ABCB7: variants seen among roughly 807,000 people sequenced by gnomAD.
ABCB7 encodes iron-sulfur clusters transporter ABCB7, mitochondrial.
ABCB7 carries 7 observed loss-of-function variants against 54.4 expected under a neutral mutation model. That is an observed-to-expected ratio of 0.13 (90% CI 0.07 to 0.24). ABCB7 has a LOEUF of 0.24. Among genes scored for constraint, ABCB7 ranks in the 10% least tolerant of loss-of-function variants. The pLI is 1.00. For synonymous variants in ABCB7, 218 were observed against 207.1 expected, an observed-to-expected ratio of 1.05 and a Z score of -0.45; for missense variants, 356 against 570.4, an observed-to-expected ratio of 0.62 and a Z score of 3.83.
intron 6 of ABCB7, among the ~76,000 whole-genome samples, chrX:75,074,417 G>A (rs993425857): frequency 8.9e-6 from 1 of 111,776 alleles, no homozygotes; most frequent in African/African-American, 3.3e-5. Context: ...ATGGAAATTA[G>A]TTCAGCCACT....
chrX:75,114,625 T>C, intron 2 of ABCB7, 129 bp downstream of exon 2: 1 of 489,104 alleles, frequency 2.0e-6, no homozygotes, highest in South Asian at 2.9e-5. Context: ...ACATACCTTC[T>C]TATTCATCTT....
rs754055299 is a variant in ABCB7 at position 75,088,522 on chromosome X, C to T, written c.453+10420G>A. Among the ~76,000 whole-genome samples the T allele has an allele frequency of 2.7e-5, 3 of 111,791 alleles. No homozygotes were observed. The South Asian group carries it at 1.1e-3, about 41-fold the overall frequency. The stretch of plus-strand genomic sequence containing the variant: ...ACACTCTAACAGAAATGAAGAACGT[C>T]TTTGATAGGCTCATCAGTAGACAGG... On this transcript the variant is annotated intron_variant, in intron 4 of 15. Coordinates refer to ENST00000373394, the MANE Select transcript of ABCB7 (RefSeq NM_001271696.3).
intron 4 of ABCB7, among the ~76,000 whole-genome samples, chrX:75,086,017 T>C (rs969849357): frequency 6.4e-5 from 7 of 109,618 alleles, no homozygotes; most frequent in African/African-American, 2.3e-4. Flanking sequence ...CAGCTAATTT[T>C]TGTATTTTTA....
intron 3 of ABCB7, among the ~76,000 whole-genome samples, chrX:75,104,051 T>TTTTTG (rs2081665641): frequency 3.2e-5 from 1 of 31,290 alleles, no homozygotes; most frequent in Non-Finnish European, 7.6e-5. Flanking sequence ...GTTACAGTTT[T>TTTTTG]TTTTTTTTTT....
intron 1 of ABCB7, among the ~76,000 whole-genome samples, chrX:75,129,437 G>C (rs759050941): frequency 9.1e-6 from 1 of 109,729 alleles, no homozygotes; most frequent in South Asian, 4.0e-4. Flanking sequence ...CTCACACTGG[G>C]GCCCATTTGG....
intron 1 of ABCB7, among the ~76,000 whole-genome samples, chrX:75,144,920 G>A (rs1179149621): frequency 1.8e-5 from 2 of 110,620 alleles, no homozygotes; most frequent in Non-Finnish European, 3.8e-5. Context: ...CTTTATAAAT[G>A]CATTAAAGAC....
In ABCB7 at chrX:75,053,496, A is replaced by G; in HGVS notation, c.2133T>C (p.Arg711=). The part of the protein sequence containing the change: ...YSEMWHTQSS[R]VQNHDNPKWE... ...ATTTGGGGTTATCATGGTTCTGCAC[A>G]CGGCTGCTCTGTGTATGCCACATTT... The change falls in exon 16 of 16, where the codon CGT becomes CGC. Residue 711 remains arginine, a synonymous_variant. Transcript: ENST00000373394. The G allele has an allele frequency of 1.7e-6, 2 of 1,211,058 alleles. No homozygotes were observed. The highest frequency in any genetic ancestry group is 3.5e-5 in the African/African-American group (2 of 57,802).
At chrX:75,091,979 G>A (rs2081548113) in intron 4 of ABCB7, among the ~76,000 whole-genome samples, 1 of 111,428 alleles carries the variant, frequency 9.0e-6, no homozygotes, top group African/African-American at 3.2e-5. Flanking sequence ...ACTCAATATT[G>A]TTGAGATGTC....
intron 1 of ABCB7, among the ~76,000 whole-genome samples, chrX:75,125,738 C>T (rs967175624): frequency 9.0e-6 from 1 of 110,897 alleles, no homozygotes; most frequent in African/African-American, 3.3e-5. Context: ...ATACAGAATC[C>T]AACTGTGTAT....
chrX:75,125,290 T>C (rs762316390), intron 1 of ABCB7, among the ~76,000 whole-genome samples: 16 of 111,661 alleles, frequency 1.4e-4, no homozygotes, highest in Non-Finnish European at 2.3e-4. Flanking sequence ...ACAGAAAGTG[T>C]AGGCTAAGAG....
chrX:75,058,150 CAT>C (rs1243000687), intron 15 of ABCB7, among the ~76,000 whole-genome samples: 3 of 111,447 alleles, frequency 2.7e-5, no homozygotes, highest in African/African-American at 9.8e-5. Flanking sequence ...CGCCACTTTT[CAT>C]CATATCTGGT....
intron 6 of ABCB7, among the ~76,000 whole-genome samples, chrX:75,074,506 T>C (rs1049984326): frequency 8.9e-6 from 1 of 111,882 alleles, no homozygotes; most frequent in African/African-American, 3.3e-5. Flanking sequence ...TGGGTGTATA[T>C]ATATTCAAAA....
At chrX:75,077,322 A>G (rs1405865332) in intron 4 of ABCB7, among the ~76,000 whole-genome samples, 1 of 112,190 alleles carries the variant, frequency 8.9e-6, no homozygotes, top group African/African-American at 3.2e-5. Flanking sequence ...TAAGCTTTCA[A>G]TAATGAACCT....
intron 4 of ABCB7, among the ~76,000 whole-genome samples, chrX:75,082,715 T>C (rs2081465527): frequency 9.0e-6 from 1 of 110,773 alleles, no homozygotes; most frequent in African/African-American, 3.3e-5. Context: ...ACTTACAGAG[T>C]AGTAAGTTTT....
Position 75,145,537 on chromosome X carries a change from T to C in ABCB7, c.168+10568A>G, listed in dbSNP as rs1353876564. Among the ~76,000 whole-genome samples the C allele has an allele frequency of 1.8e-5, 2 of 111,986 alleles. 1 individual carries two copies. The highest frequency in any genetic ancestry group is 3.8e-5 in the Non-Finnish European group (2 of 53,244). ...TTCAATAAAATTCAACATCTATTCA[T>C]GTTAAAAACTCTCAATAAACTAGAT... On this transcript the variant is annotated intron_variant, in intron 1 of 15. Coordinates refer to ENST00000373394, the MANE Select transcript of ABCB7 (RefSeq NM_001271696.3).
At chrX:75,090,513 A>T (rs2147492282) in intron 4 of ABCB7, among the ~76,000 whole-genome samples, 1 of 110,525 alleles carries the variant, frequency 9.0e-6, no homozygotes, top group South Asian at 3.8e-4. Context: ...AATTTATAGC[A>T]CTGAATGCAA....
chrX:75,118,254 G>A (rs1459119932), intron 1 of ABCB7, among the ~76,000 whole-genome samples: 2 of 111,709 alleles, frequency 1.8e-5, no homozygotes, highest in African/African-American at 6.5e-5. Context: ...TTCTGGCTTA[G>A]GGAATGACCA....
intron 3 of ABCB7, among the ~76,000 whole-genome samples, chrX:75,104,154 A>G (rs2147511585): frequency 1.1e-5 from 1 of 89,719 alleles, no homozygotes; most frequent in African/African-American, 4.2e-5. Context: ...TATGGCATTT[A>G]TTATGTTGAG....
chrX:75,070,344 G>C, intron 10 of ABCB7, 21 bp downstream of exon 10: 1 of 1,190,852 alleles, frequency 8.4e-7, no homozygotes, highest in Non-Finnish European at 1.1e-6. Context: ...CTTTTGAAAA[G>C]GTACTATATA....
Sources: gnomAD v4.1 joint callset for allele counts (sites outside exome capture counted in the v4.1 genomes callset) on GRCh38, gnomAD v4.1.1 for gene constraint, MANE v1.5 for transcripts, NCBI Gene and HGNC (gene_info 2026-07-23, HGNC 2026-07-21) for gene names.